Variants in WWOX observed in about 807,000 individuals in gnomAD.
WWOX encodes the protein WW domain-containing oxidoreductase.
Under a neutral mutation model 46.2 loss-of-function variants are expected in WWOX, and 69 were observed. The observed-to-expected ratio is 1.49, with a 90% CI of 1.23 to 1.82. The LOEUF is 1.82. Among genes scored for constraint, WWOX ranks in the 40% most tolerant of loss-of-function variants. The pLI is 0.00. For synonymous variants in WWOX, 359 were observed against 202.6 expected, an observed-to-expected ratio of 1.77 and a Z score of -6.56; for missense variants, 919 against 542.6, an observed-to-expected ratio of 1.69 and a Z score of -6.89.
At chr16:79,211,357 C>A (rs907849100) in intron 8 of WWOX, among the ~76,000 whole-genome samples, 1 of 152,126 alleles carries the variant, frequency 6.6e-6, no homozygotes, top group Non-Finnish European at 1.5e-5. Flanking sequence ...ATTTTCCAAG[C>A]CTGTCCCTGT....
At chr16:78,174,247 A>T (rs985845551) in intron 5 of WWOX, among the ~76,000 whole-genome samples, 2 of 152,228 alleles carry the variant, frequency 1.3e-5, no homozygotes, top group African/African-American at 4.8e-5. Context: ...GGCGAAAGGC[A>T]CTTCTTATAT....
rs151097772 is a variant in WWOX at position 78,564,381 on chromosome 16, C to T, written c.1056+131629C>T. Among the ~76,000 whole-genome samples, 115 of 152,274 alleles carry T rather than the reference C, an allele frequency of 7.6e-4. No homozygotes were observed. The East Asian group carries it at 0.016, about 22-fold the overall frequency. ...TTTGGTGAGTGAACCCTCGCTGATG[C>T]CCTGGCTAGTGTTTTCTGTCTCAGG... On this transcript the variant is annotated intron_variant, in intron 8 of 8. Coordinates refer to ENST00000566780, the MANE Select transcript of WWOX (RefSeq NM_016373.4).
chr16:79,167,309 A>C (rs1224452399), intron 8 of WWOX, among the ~76,000 whole-genome samples: 1 of 152,212 alleles, frequency 6.6e-6, no homozygotes, highest in East Asian at 1.9e-4. Flanking sequence ...AATGCTAACA[A>C]TTCCAAAATG....
At chr16:79,013,517 G>A (rs1211128838) in intron 8 of WWOX, among the ~76,000 whole-genome samples, 2 of 152,118 alleles carry the variant, frequency 1.3e-5, no homozygotes, top group Non-Finnish European at 2.9e-5. Context: ...CAAAGCTCAG[G>A]CGTGTGCAAC....
intron 8 of WWOX, among the ~76,000 whole-genome samples, chr16:79,032,945 G>T (rs1157721268): frequency 1.3e-5 from 2 of 151,286 alleles, no homozygotes; most frequent in Non-Finnish European, 2.9e-5. Context: ...GTAGGCCCCA[G>T]TGTCTTTTGT....
chr16:78,154,434 C>G (rs1177836584), intron 4 of WWOX, among the ~76,000 whole-genome samples: 1 of 149,180 alleles, frequency 6.7e-6, no homozygotes. Flanking sequence ...AGCTTCATCT[C>G]TGTTGTATTC....
intron 8 of WWOX, among the ~76,000 whole-genome samples, chr16:78,697,028 T>C (rs1184407454): frequency 6.6e-6 from 1 of 152,220 alleles, no homozygotes; most frequent in East Asian, 1.9e-4. Context: ...TATTCCATTG[T>C]ATATTTATAC....
At chr16:79,183,392 G>A (rs1354113478) in intron 8 of WWOX, among the ~76,000 whole-genome samples, 3 of 152,226 alleles carry the variant, frequency 2.0e-5, no homozygotes, top group African/African-American at 7.2e-5. Context: ...ACCGTGCTAT[G>A]AAATGCTAGC....
rs565529536 is a variant in WWOX at position 78,457,201 on chromosome 16, AC to A, written c.1056+24451del. ...GTCTTCATTAATAGACCTTTCAGGA[AC>A]CTTCCTGGGATCTCAGATAACAGTT... On this transcript the variant is annotated intron_variant, in intron 8 of 8. Transcript: ENST00000566780. Among the ~76,000 whole-genome samples the A allele has an allele frequency of 6.6e-5, 10 of 152,328 alleles. No individual in the cohort carries two copies. The South Asian group carries it at 2.1e-3, about 32-fold the overall frequency.
chr16:78,463,941 G>A (rs2084013328), intron 8 of WWOX, among the ~76,000 whole-genome samples: 1 of 152,168 alleles, frequency 6.6e-6, no homozygotes, highest in Admixed American at 6.5e-5. Flanking sequence ...TGGTGGAGCT[G>A]CCTTTCCATT....
rs368555074 is a variant in WWOX at position 78,654,935 on chromosome 16, G to T, written c.1056+222183G>T. Among the ~76,000 whole-genome samples the T allele has an allele frequency of 2.0e-5, 3 of 152,052 alleles. No individual in the cohort carries two copies. The South Asian group carries it at 6.3e-4, about 32-fold the overall frequency. On this transcript the variant is annotated intron_variant, in intron 8 of 8. Coordinates refer to ENST00000566780, the MANE Select transcript of WWOX (RefSeq NM_016373.4). ...CATGAGTATCTTGATAATTTAGAAA[G>T]ATTAATTAAACATTGATCATCTATG...
intron 8 of WWOX, among the ~76,000 whole-genome samples, chr16:78,659,781 A>G (rs1202650964): frequency 6.6e-6 from 1 of 152,228 alleles, no homozygotes; most frequent in Non-Finnish European, 1.5e-5. Flanking sequence ...TGTCAAAGAT[A>G]AAGGGAGAAC....
At chr16:78,972,736 T>C (rs2046496616) in intron 8 of WWOX, among the ~76,000 whole-genome samples, 1 of 152,230 alleles carries the variant, frequency 6.6e-6, no homozygotes. Flanking sequence ...ACTCCCACTT[T>C]ATTATTTCCT....
chr16:78,769,801 G>A (rs1442738483), intron 8 of WWOX, among the ~76,000 whole-genome samples: 1 of 151,170 alleles, frequency 6.6e-6, no homozygotes, highest in Non-Finnish European at 1.5e-5. Flanking sequence ...GAGTCCAGGA[G>A]TTCGAGATCA....
chr16:78,361,651 GC>G (rs2044773619), intron 5 of WWOX, among the ~76,000 whole-genome samples: 1 of 151,776 alleles, frequency 6.6e-6, no homozygotes, highest in Non-Finnish European at 1.5e-5. Flanking sequence ...CACTCCTGTC[GC>G]CCAGGCTGGA....
At chr16:78,750,068 A>T (rs745770974) in intron 8 of WWOX, among the ~76,000 whole-genome samples, 1 of 152,236 alleles carries the variant, frequency 6.6e-6, no homozygotes, top group Non-Finnish European at 1.5e-5. Context: ...ATAAGACAGC[A>T]TATGGAAGGC....
At chr16:78,548,959 A>T (rs1182148083) in intron 8 of WWOX, among the ~76,000 whole-genome samples, 2 of 152,158 alleles carry the variant, frequency 1.3e-5, no homozygotes, top group African/African-American at 4.8e-5. Context: ...ATAGCCCCAA[A>T]CTGGCATTTC....
At chr16:79,152,088 C>T (rs555091281) in intron 8 of WWOX, among the ~76,000 whole-genome samples, 1 of 152,204 alleles carries the variant, frequency 6.6e-6, no homozygotes, top group Non-Finnish European at 1.5e-5. Context: ...TCCTCTAATA[C>T]TATTGAGAAG....
At chr16:78,785,588 T>A (rs1460072961) in intron 8 of WWOX, among the ~76,000 whole-genome samples, 2 of 152,254 alleles carry the variant, frequency 1.3e-5, no homozygotes, top group African/African-American at 4.8e-5. Context: ...CAGTACTGTT[T>A]CTTATAAATT....
Sources: gnomAD v4.1 joint callset for allele counts (sites outside exome capture counted in the v4.1 genomes callset) on GRCh38, gnomAD v4.1.1 for gene constraint, MANE v1.5 for transcripts, NCBI Gene and HGNC (gene_info 2026-07-23, HGNC 2026-07-21) for gene names.